Variants in CLSTN2 observed in about 807,000 individuals in gnomAD.
CLSTN2 encodes the protein calsyntenin-2.
Under a neutral mutation model 101.2 loss-of-function variants are expected in CLSTN2, and 48 were observed. That is an observed-to-expected ratio of 0.47 (90% confidence interval 0.38 to 0.60). CLSTN2 has a LOEUF of 0.60. Among genes scored for constraint, CLSTN2 ranks in the 20% least tolerant of loss-of-function variants. CLSTN2 has a pLI of 0.00. For missense variants in CLSTN2, 1,160 were observed against 1,238.2 expected, an observed-to-expected ratio of 0.94 and a Z score of 0.95; for synonymous variants, 481 against 463.6, an observed-to-expected ratio of 1.04 and a Z score of -0.48.
chr3:140,421,212 C>G lies in CLSTN2; in HGVS notation c.725C>G (p.Pro242Arg), dbSNP rs753404616. The G allele has an allele frequency of 3.1e-6, 5 of 1,614,010 alleles. No individual in the cohort carries two copies. Among genetic ancestry groups the G allele is most frequent in the Non-Finnish European group, 3.4e-6 (4 of 1,180,018 alleles). The change falls in exon 5 of 17, where the codon CCC becomes CGC. Residue 242 changes from proline (P) to arginine (R), a missense_variant. Pro to Arg is a moderately radical substitution (Grantham distance 103). Coordinates refer to ENST00000458420, the MANE Select transcript of CLSTN2 (RefSeq NM_022131.3). ...LVTAYDCGQK[P>R]AAQDTLVQVD... ...ACCGCCTACGACTGTGGACAGAAGC[C>G]CGCTGCTCAGGACACCCTGGTGCAG... is the stretch of plus-strand genomic sequence containing the variant.
intron 8 of CLSTN2, among the ~76,000 whole-genome samples, chr3:140,493,062 C>G (rs1234777163): frequency 6.6e-6 from 1 of 152,164 alleles, no homozygotes; most frequent in East Asian, 1.9e-4. Flanking sequence ...TTCAGGAGAA[C>G]AAGGTTCTAA....
At chr3:140,293,482 T>C (rs2086974067) in intron 2 of CLSTN2, among the ~76,000 whole-genome samples, 1 of 152,056 alleles carries the variant, frequency 6.6e-6, no homozygotes, top group African/African-American at 2.4e-5. Flanking sequence ...AAGCTTAACA[T>C]TGGATATGTC....
At chr3:140,377,050 G>GTT in intron 2 of CLSTN2, among the ~76,000 whole-genome samples, 1 of 149,762 alleles carries the variant, frequency 6.7e-6, no homozygotes, top group East Asian at 1.9e-4. Context: ...GGATGTGTGT[G>GTT]TGTGTTATAT....
intron 1 of CLSTN2, among the ~76,000 whole-genome samples, chr3:140,046,695 G>T (rs186983829): frequency 6.6e-6 from 1 of 152,146 alleles, no homozygotes; most frequent in African/African-American, 2.4e-5. Flanking sequence ...AGGAGCTCTT[G>T]TAGGGCAGGC....
At chr3:140,116,148 A>G (rs2107796966) in intron 1 of CLSTN2, among the ~76,000 whole-genome samples, 1 of 152,272 alleles carries the variant, frequency 6.6e-6, no homozygotes, top group South Asian at 2.1e-4. Flanking sequence ...AGTCATACAC[A>G]TCCACCTCCA....
At chr3:140,411,512 A>G (rs550875837) in intron 4 of CLSTN2, among the ~76,000 whole-genome samples, 37 of 152,400 alleles carry the variant, frequency 2.4e-4, no homozygotes, top group Middle Eastern at 3.4e-3. Context: ...TAGAGTATCA[A>G]GACATAAAAT....
At chr3:140,563,614 T>C (rs1361833483) in intron 15 of CLSTN2, among the ~76,000 whole-genome samples, 1 of 152,218 alleles carries the variant, frequency 6.6e-6, no homozygotes, top group Non-Finnish European at 1.5e-5. Context: ...CTGTTTCTAC[T>C]AAACTCTACA....
At chr3:140,241,568 A>C (rs893686506) in intron 2 of CLSTN2, among the ~76,000 whole-genome samples, 2 of 152,086 alleles carry the variant, frequency 1.3e-5, no homozygotes, top group African/African-American at 4.8e-5. Flanking sequence ...CTAGTTTCCC[A>C]GACTCTTCTG....
At chr3:140,445,791 A>G (rs970136352) in intron 5 of CLSTN2, among the ~76,000 whole-genome samples, 1 of 152,170 alleles carries the variant, frequency 6.6e-6, no homozygotes. Flanking sequence ...AATATTTCCT[A>G]TCAAAAGATA....
chr3:139,986,270 G>A (rs1349523040), intron 1 of CLSTN2, among the ~76,000 whole-genome samples: 1 of 152,150 alleles, frequency 6.6e-6, no homozygotes, highest in African/African-American at 2.4e-5. Context: ...GACTTTTGCT[G>A]TGAGTCATTA....
chr3:140,261,484 G>A (rs767377893), intron 2 of CLSTN2, among the ~76,000 whole-genome samples: 33 of 151,962 alleles, frequency 2.2e-4, no homozygotes, highest in Non-Finnish European at 4.4e-4. Flanking sequence ...GATACTCCAG[G>A]CTCATCTTCT....
intron 1 of CLSTN2, among the ~76,000 whole-genome samples, chr3:140,013,803 C>T (rs926042543): frequency 6.6e-6 from 1 of 152,126 alleles, no homozygotes; most frequent in African/African-American, 2.4e-5. Flanking sequence ...ATGTCACTAG[C>T]CAGCGTTAGA....
At chr3:140,426,214 T>C (rs1286023625) in intron 5 of CLSTN2, among the ~76,000 whole-genome samples, 1 of 152,202 alleles carries the variant, frequency 6.6e-6, no homozygotes, top group African/African-American at 2.4e-5. Flanking sequence ...TTGATGTCCC[T>C]ATCAACCCAT....
intron 8 of CLSTN2, among the ~76,000 whole-genome samples, chr3:140,509,799 T>C (rs1410250279): frequency 6.6e-6 from 1 of 152,212 alleles, no homozygotes; most frequent in Non-Finnish European, 1.5e-5. Context: ...TCTACCTCTG[T>C]GGGGCTTTGT....
At chr3:140,258,157 T>A (rs1042404662) in intron 2 of CLSTN2, among the ~76,000 whole-genome samples, 2 of 152,212 alleles carry the variant, frequency 1.3e-5, no homozygotes, top group African/African-American at 4.8e-5. Flanking sequence ...TCTTCATAGC[T>A]TTTTCAGCCC....
At chr3:139,953,001 C>T (rs1935319191) in intron 1 of CLSTN2, among the ~76,000 whole-genome samples, 1 of 152,122 alleles carries the variant, frequency 6.6e-6, no homozygotes, top group Admixed American at 6.5e-5. Flanking sequence ...GAAGGGCCAG[C>T]CCTACCCGCT....
At chr3:140,488,056 A>T (rs1934273545) in intron 8 of CLSTN2, among the ~76,000 whole-genome samples, 1 of 152,208 alleles carries the variant, frequency 6.6e-6, no homozygotes, top group Non-Finnish European at 1.5e-5. Context: ...TTATTACAAA[A>T]CACTAAAAAT....
intron 2 of CLSTN2, among the ~76,000 whole-genome samples, chr3:140,392,700 T>A (rs1168592691): frequency 6.6e-6 from 1 of 152,076 alleles, no homozygotes; most frequent in Non-Finnish European, 1.5e-5. Context: ...TGTGCCTAAG[T>A]TCCTAAAGAC....
At position 140,574,899 on chromosome 3, in the gene CLSTN2, G is replaced by T. The variant is rs1334064874; in HGVS notation, c.*8646G>T. 1 of 152,192 alleles carries T rather than the reference G, an allele frequency of 6.6e-6. No individual in the cohort carries two copies. The highest frequency in any genetic ancestry group is 2.4e-5 in the African/African-American group (1 of 41,440). 9.4% of individuals were successfully genotyped at this position (152,192 alleles called of 1,614,324 possible). A position where few individuals can be genotyped will look rare whatever the true frequency, so the allele number is the denominator to read the frequency against. On this transcript the variant is annotated 3_prime_UTR_variant, in exon 17 of 17. Coordinates refer to ENST00000458420, the MANE Select transcript of CLSTN2 (RefSeq NM_022131.3). The stretch of plus-strand genomic sequence containing the variant: ...GGAGGTAGCATCTCCTCTTCAGAAG[G>T]ATTCATAAGGGCCTCTGTGAGGAGG...
Sources: gnomAD v4.1 joint callset for allele counts (sites outside exome capture counted in the v4.1 genomes callset) on GRCh38, gnomAD v4.1.1 for gene constraint, MANE v1.5 for transcripts, NCBI Gene and HGNC (gene_info 2026-07-23, HGNC 2026-07-21) for gene names.